SORCS3: variants seen among roughly 807,000 people sequenced by gnomAD.
SORCS3 encodes the protein sortilin related VPS10 domain containing receptor 3.
Under a neutral mutation model 146.3 loss-of-function variants are expected in SORCS3, and 57 were observed. The ratio of observed to expected loss-of-function variants is 0.39; its 90% CI spans 0.31 to 0.49. The LOEUF is 0.49. SORCS3 is among the 20% of genes least tolerant of loss of function. SORCS3 has a pLI of 0.92. For synonymous variants in SORCS3, 653 were observed against 618.5 expected (o/e 1.06, Z -0.83); for missense variants, 1,341 against 1,575.5 (o/e 0.85, Z 2.52).
intron 1 of SORCS3, among the ~76,000 whole-genome samples, chr10:104,743,561 G>C (rs971271520): frequency 1.1e-4 from 16 of 152,118 alleles, no homozygotes; most frequent in African/African-American, 3.9e-4. Flanking sequence ...TTCACCTTCT[G>C]CTAGGGTTCC....
intron 22 of SORCS3, 63 bp downstream of exon 22, chr10:105,247,394 C>A: frequency 2.3e-6 from 2 of 870,528 alleles, no homozygotes; most frequent in South Asian, 1.5e-5. Context: ...ATGGTGTGGT[C>A]CACAATACAT....
intron 7 of SORCS3, among the ~76,000 whole-genome samples, chr10:105,131,827 C>G (rs1219437365): frequency 6.6e-6 from 1 of 151,988 alleles, no homozygotes; most frequent in South Asian, 2.1e-4. Context: ...CCAGATATCA[C>G]GAGAACTCAC....
At chr10:104,714,245 G>GT (rs2016451605) in intron 1 of SORCS3, among the ~76,000 whole-genome samples, 1 of 151,834 alleles carries the variant, frequency 6.6e-6, no homozygotes, top group Non-Finnish European at 1.5e-5. Context: ...CTGTTTTCAA[G>GT]TTCACTGAAT....
At chr10:105,223,355 G>A in intron 20 of SORCS3, 106 bp downstream of exon 20, 2 of 1,193,956 alleles carry the variant, frequency 1.7e-6, no homozygotes, top group Non-Finnish European at 2.3e-6. Context: ...GCAATAAGAG[G>A]TACTTAATAA....
At chr10:104,883,288 C>A (rs2018648823) in intron 2 of SORCS3, among the ~76,000 whole-genome samples, 1 of 152,168 alleles carries the variant, frequency 6.6e-6, no homozygotes, top group Admixed American at 6.5e-5. Flanking sequence ...TAACAACACC[C>A]CTCAGTAAAG....
At chr10:104,970,155 T>A (rs1429720593) in intron 3 of SORCS3, among the ~76,000 whole-genome samples, 2 of 152,172 alleles carry the variant, frequency 1.3e-5, no homozygotes, top group African/African-American at 4.8e-5. Flanking sequence ...TTTCTTTTTT[T>A]GTTTTGAGAC....
chr10:104,873,811 A>G (rs779709109), intron 2 of SORCS3, among the ~76,000 whole-genome samples: 3 of 152,142 alleles, frequency 2.0e-5, no homozygotes, highest in Non-Finnish European at 2.9e-5. Context: ...GGAAAACAGA[A>G]TTTCTCAACC....
chr10:105,247,750 AG>A (rs2056875856), intron 22 of SORCS3, among the ~76,000 whole-genome samples: 1 of 204 alleles, frequency 4.9e-3, no homozygotes, highest in Non-Finnish European at 0.1. Context: ...TCTGTCAAAA[AG>A]AAGAAGAAGA....
chr10:104,870,712 G>A (rs1345656194), intron 2 of SORCS3, among the ~76,000 whole-genome samples: 3 of 151,996 alleles, frequency 2.0e-5, no homozygotes, highest in Non-Finnish European at 2.9e-5. Flanking sequence ...GCTGTGATAC[G>A]GTCATTTTCC....
chr10:105,235,436 C>CTGTGTGTGTG lies in SORCS3; in HGVS notation c.2869-10080_2869-10071dup, dbSNP rs5787570. Among the ~76,000 whole-genome samples the CTGTGTGTGTG allele has an allele frequency of 2.8e-5, 4 of 141,234 alleles. No homozygotes were observed. In the East Asian group the frequency reaches 8.3e-4, roughly 29 times the overall value. 92.7% of individuals were successfully genotyped at this position (141,234 alleles called of 152,430 possible). A position where few individuals can be genotyped will look rare whatever the true frequency, so the allele number is the denominator to read the frequency against. On this transcript the variant is annotated intron_variant, in intron 20 of 26. Coordinates refer to ENST00000369701, the MANE Select transcript of SORCS3 (RefSeq NM_014978.3). ...CCCCCTGGAGTTTTGAACTCTCAGA[C>CTGTGTGTGTG]TGTGTGTGTGTGTGTGTGTGTGTGT... is the stretch of plus-strand genomic sequence containing the variant.
In SORCS3 at chr10:104,757,063, AG is replaced by A. The variant is rs1178651138; in HGVS notation, c.628-85726del. ...TGAACAGCTGCTGTTTTCCAAGTTAAGGGTTTTTTTTTTTTTTTTTTTTTTT... is the reference window on the plus strand; with the variant it reads ...TGAACAGCTGCTGTTTTCCAAGTTAAGGTTTTTTTTTTTTTTTTTTTTTTT... On this transcript the variant is annotated intron_variant, in intron 1 of 26. Transcript: ENST00000369701. Among the ~76,000 whole-genome samples the A allele has an allele frequency of 5.3e-3, 649 of 122,384 alleles. 5 individuals carry two copies. The highest frequency in any genetic ancestry group is 0.019 in the African/African-American group (604 of 32,556). The allele number at this position is 122,384 out of a possible 152,430, so 80.3% of individuals were successfully genotyped here.
At chr10:104,927,280 T>C (rs528654714) in intron 3 of SORCS3, among the ~76,000 whole-genome samples, 1 of 152,348 alleles carries the variant, frequency 6.6e-6, no homozygotes, top group East Asian at 1.9e-4. Context: ...CCACATACAA[T>C]GCTGGTTCCA....
At chr10:104,712,111 A>G (rs1425057885) in intron 1 of SORCS3, among the ~76,000 whole-genome samples, 1 of 152,172 alleles carries the variant, frequency 6.6e-6, no homozygotes, top group Non-Finnish European at 1.5e-5. Flanking sequence ...AGTAGCAACA[A>G]ATAATTTGGC....
At chr10:105,164,057 G>A (rs2056291162) in intron 11 of SORCS3, among the ~76,000 whole-genome samples, 1 of 152,074 alleles carries the variant, frequency 6.6e-6, no homozygotes, top group South Asian at 2.1e-4. Flanking sequence ...AAGAGACCTG[G>A]ACTAATCGAT....
chr10:104,650,509 C>T (rs1314867810), intron 1 of SORCS3, among the ~76,000 whole-genome samples: 1 of 152,108 alleles, frequency 6.6e-6, no homozygotes, highest in Non-Finnish European at 1.5e-5. Context: ...GATACAAACA[C>T]GTTCATTCAG....
chr10:104,813,052 C>T (rs567899318), intron 1 of SORCS3, among the ~76,000 whole-genome samples: 1 of 152,330 alleles, frequency 6.6e-6, no homozygotes, highest in African/African-American at 2.4e-5. Flanking sequence ...ACTCCATGGC[C>T]TACTGGGCCC....
chr10:105,190,657 C>T (rs2056511463), intron 14 of SORCS3, among the ~76,000 whole-genome samples: 1 of 152,152 alleles, frequency 6.6e-6, no homozygotes, highest in Non-Finnish European at 1.5e-5. Flanking sequence ...CCACCTCGGC[C>T]TCCCAAAGTG....
rs201039700 is a variant in SORCS3 at position 105,013,974 on chromosome 10, GACACACAGACAC to G, written c.955-29073_955-29062del. On this transcript the variant is annotated intron_variant, in intron 4 of 26. Coordinates refer to ENST00000369701, the MANE Select transcript of SORCS3 (RefSeq NM_014978.3). ...TCTATTTAGTTTGTGTAGACACACA[GACACACAGACAC>G]ACACACACACACACACACACACAGG... 8.7e-3 allele frequency among the ~76,000 whole-genome samples: 976 copies of G among 112,490 alleles called. 9 individuals carry two copies. The highest frequency in any genetic ancestry group is 0.04 in the African/African-American group (929 of 23,414). The allele number at this position is 112,490 out of a possible 152,430, so 73.8% of individuals were successfully genotyped here.
intron 25 of SORCS3, among the ~76,000 whole-genome samples, chr10:105,258,205 A>G (rs1189896670): frequency 6.6e-6 from 1 of 152,142 alleles, no homozygotes; most frequent in Non-Finnish European, 1.5e-5. Flanking sequence ...AGTGAGATTC[A>G]CCTTCCTACT....
Sources: gnomAD v4.1 joint callset for allele counts (sites outside exome capture counted in the v4.1 genomes callset) on GRCh38, gnomAD v4.1.1 for gene constraint, MANE v1.5 for transcripts, NCBI Gene and HGNC (gene_info 2026-07-23, HGNC 2026-07-21) for gene names.